AACS: variants seen among roughly 807,000 people sequenced by gnomAD.
The protein encoded by AACS is acetoacetyl-CoA synthetase, also known as acetoacetate-CoA ligase.
Under a neutral mutation model 83.1 loss-of-function variants are expected in AACS, and 69 were observed. That is an observed-to-expected ratio of 0.83 (90% CI 0.68 to 1.01). The LOEUF (loss-of-function observed/expected upper bound fraction) is 1.01, where lower values mean the gene tolerates loss of function less well. Ranked by LOEUF, AACS falls within the 50% of genes least tolerant of loss-of-function variation. AACS has a pLI of 0.00. For synonymous variants in AACS, 333 were observed against 343.4 expected (o/e 0.97, Z 0.33); for missense variants, 866 against 882.2 (o/e 0.98, Z 0.23).
At position 125,128,087 on chromosome 12, in the gene AACS, T is replaced by C; in HGVS notation, c.1310-74T>C. Reference sequence around the variant, plus strand: ...TATTTGTCCTCTTGGCACCTTCTCCTTTGTTGCTCACTAATTTAACACAAT... The same window carrying C: ...TATTTGTCCTCTTGGCACCTTCTCCCTTGTTGCTCACTAATTTAACACAAT... On this transcript the variant is annotated intron_variant, in intron 12 of 17. Coordinates refer to ENST00000316519, the MANE Select transcript of AACS (RefSeq NM_023928.5). The C allele has an allele frequency of 4.4e-6, 5 of 1,143,382 alleles. No individual in the cohort carries two copies. In the South Asian group the frequency reaches 7.6e-5, roughly 17 times the overall value. 70.8% of individuals were successfully genotyped at this position (1,143,382 alleles called of 1,614,324 possible). A position where few individuals can be genotyped will look rare whatever the true frequency, so the allele number is the denominator to read the frequency against.
intron 8 of AACS, among the ~76,000 whole-genome samples, chr12:125,108,033 T>C (rs928796311): frequency 6.6e-6 from 1 of 152,186 alleles, no homozygotes; most frequent in Non-Finnish European, 1.5e-5. Context: ...TCTGTGAAGC[T>C]GTCATTACAT....
Position 125,076,620 on chromosome 12 carries a change from T to C in AACS, c.358+9T>C. Reference sequence around the variant, plus strand: ...TGCCCTTTACATTGCAAGTAAGTCCTGATGGCGAGACCTGGGATTTCCTCC... The same window carrying C: ...TGCCCTTTACATTGCAAGTAAGTCCCGATGGCGAGACCTGGGATTTCCTCC... On this transcript the variant is annotated intron_variant, in intron 3 of 17. Coordinates refer to ENST00000316519, the MANE Select transcript of AACS (RefSeq NM_023928.5). 1 of 1,613,870 alleles carries C rather than the reference T, an allele frequency of 6.2e-7. No individual in the cohort carries two copies. The highest frequency in any genetic ancestry group is 8.5e-7 in the Non-Finnish European group (1 of 1,179,852).
intron 1 of AACS, among the ~76,000 whole-genome samples, chr12:125,071,258 C>G (rs1565919732): frequency 6.6e-6 from 1 of 152,290 alleles, no homozygotes; most frequent in East Asian, 1.9e-4. Flanking sequence ...GTGACCGTTA[C>G]AACCTGGCCT....
At chr12:125,082,852 G>A (rs1956229425) in intron 3 of AACS, among the ~76,000 whole-genome samples, 1 of 151,926 alleles carries the variant, frequency 6.6e-6, no homozygotes. Context: ...CACACACAAA[G>A]AGGTAATTCA....
intron 9 of AACS, among the ~76,000 whole-genome samples, chr12:125,116,462 A>ATTTTAT (rs1489195257): frequency 2.0e-5 from 3 of 151,528 alleles, no homozygotes; most frequent in Non-Finnish European, 4.4e-5. Flanking sequence ...TTTTTATTTT[A>ATTTTAT]TTTTATTGTT....
intron 3 of AACS, among the ~76,000 whole-genome samples, chr12:125,084,625 C>T (rs1388952161): frequency 6.6e-6 from 1 of 151,104 alleles, no homozygotes; most frequent in Non-Finnish European, 1.5e-5. Flanking sequence ...GTCACCCAGG[C>T]TGGAGTGCAG....
At chr12:125,110,902 G>A (rs903827555) in intron 8 of AACS, among the ~76,000 whole-genome samples, 6 of 152,318 alleles carry the variant, frequency 3.9e-5, no homozygotes, top group African/African-American at 1.2e-4. Context: ...TCATCAGAAT[G>A]TGGAAAGGAG....
chr12:125,094,978 CGT>C lies in AACS; in HGVS notation c.570+3500_570+3501del, dbSNP rs57643228. Among the ~76,000 whole-genome samples the C allele has an allele frequency of 8.7e-3, 1,266 of 145,294 alleles. 7 individuals carry two copies. Among genetic ancestry groups the C allele is most frequent in the Middle Eastern group, 0.024 (7 of 286 alleles). Reference sequence around the variant, plus strand: ...TCCTCCTGAAGTGCCATCAGGTGGCCGTGTGTGTGTGTGTGTGTGTGTGTGTG... The same window carrying C: ...TCCTCCTGAAGTGCCATCAGGTGGCCGTGTGTGTGTGTGTGTGTGTGTGTG... On this transcript the variant is annotated intron_variant, in intron 5 of 17. Coordinates refer to ENST00000316519, the MANE Select transcript of AACS (RefSeq NM_023928.5). The surrounding 1 kb of genome is among the most constrained non-coding windows in gnomAD (Gnocchi z 4.1).
intron 4 of AACS, among the ~76,000 whole-genome samples, chr12:125,090,009 A>G (rs1956430057): frequency 5.7e-5 from 2 of 34,884 alleles, no homozygotes; most frequent in African/African-American, 1.2e-4. Context: ...CCAACTATCC[A>G]TCCATCCATC....
rs973659269 is a variant in AACS, at chr12:125,076,348, T to G, written c.238-143T>G. 1.6e-5 allele frequency: 19 copies of G among 1,162,970 alleles called. No individual in the cohort carries two copies. In the East Asian group the frequency reaches 4.6e-4, roughly 28 times the overall value. The allele number at this position is 1,162,970 out of a possible 1,614,324, so 72.0% of individuals were successfully genotyped here. ...TTCAGAGTTCAGTCCATAAAATGAT[T>G]TAAAAATGCTCTGGGCCAATGAGTG... On this transcript the variant is annotated intron_variant, in intron 2 of 17. Coordinates refer to ENST00000316519, the MANE Select transcript of AACS (RefSeq NM_023928.5).
chr12:125,136,798 C>T lies in AACS; in HGVS notation c.1815C>T (p.Asp605=), dbSNP rs758527529. ...FQPDLVKRIR[D]AIRMGLSARH... ...CTGACTTGGTTAAGAGGATCCGTGA[C>T]GCCATCCGCATGGGCTTGTCTGCGC... is the stretch of plus-strand genomic sequence containing the variant. The change falls in exon 17 of 18, where the codon GAC becomes GAT. Residue 605 remains aspartate, a synonymous_variant. Transcript: ENST00000316519. 2.0e-5 allele frequency: 33 copies of T among 1,613,978 alleles called. No individual in the cohort carries two copies. The Admixed American group carries it at 3.2e-4, about 15-fold the overall frequency.
chr12:125,129,529 G>T lies in AACS; in HGVS notation c.1549+69G>T. The T allele has an allele frequency of 6.4e-7, 1 of 1,554,146 alleles. No homozygotes were observed. On this transcript the variant is annotated intron_variant, in intron 14 of 17. Transcript: ENST00000316519. The surrounding 1 kb of genome is among the most constrained non-coding windows in gnomAD (Gnocchi z 4.3). ...GGCTGGGCCTTCTGTGTCTAATTCT[G>T]TACCATCGTGCCCCTCCCCTCTTCC...
intron 5 of AACS, among the ~76,000 whole-genome samples, chr12:125,098,300 C>T (rs1956655282): frequency 6.6e-6 from 1 of 151,946 alleles, no homozygotes. Context: ...TGTGGTGGCA[C>T]ACAGCCTGAT....
intron 5 of AACS, among the ~76,000 whole-genome samples, chr12:125,096,724 T>A (rs1315636610): frequency 6.6e-6 from 1 of 150,966 alleles, no homozygotes; most frequent in Non-Finnish European, 1.5e-5. Flanking sequence ...CATGAAAGAG[T>A]CTGAGAAATC....
Position 125,065,681 on chromosome 12 carries a change from C to T in AACS, c.97C>T (p.Arg33Trp), listed in dbSNP as rs752333097. The change falls in exon 1 of 18, where the codon CGG (arginine) becomes TGG (tryptophan). Residue 33 changes from arginine to tryptophan, a missense_variant. By Grantham distance (101) the Arg-to-Trp change is moderately radical. Transcript: ENST00000316519. ...SKKNTQMDRF[R>W]AAVGAACGLA... ...GAAGAACACGCAGATGGACCGCTTC[C>T]GGGCGGCTGTGGGCGCCGCCTGCGG... is the stretch of plus-strand genomic sequence containing the variant. The T allele has an allele frequency of 5.2e-6, 8 of 1,544,892 alleles. No individual in the cohort carries two copies. In the South Asian group the frequency reaches 6.0e-5, roughly 12 times the overall value.
At chr12:125,118,250 T>C (rs1957091748) in intron 9 of AACS, 1 of 226,802 alleles carries the variant, frequency 4.4e-6, no homozygotes, top group Admixed American at 5.4e-5. Flanking sequence ...TTCATGACTG[T>C]GCAATGGCTG....
rs1364787845 is a variant in AACS, at chr12:125,130,231, CT to C, written c.1549+773del. Among the ~76,000 whole-genome samples, 13 of 152,350 alleles carry C rather than the reference CT, an allele frequency of 8.5e-5. No individual in the cohort carries two copies. The highest frequency in any genetic ancestry group is 3.1e-4 in the African/African-American group (13 of 41,592). ...TAAGTGGTAGGATTTGCCAGGTATCCTTCCTGCCTTGCGTGTTTGCGTTTCA... is the reference window on the plus strand; with the variant it reads ...TAAGTGGTAGGATTTGCCAGGTATCCTCCTGCCTTGCGTGTTTGCGTTTCA... On this transcript the variant is annotated intron_variant, in intron 14 of 17. Coordinates refer to ENST00000316519, the MANE Select transcript of AACS (RefSeq NM_023928.5). The surrounding 1 kb of genome is among the most constrained non-coding windows in gnomAD (Gnocchi z 4.9).
At chr12:125,114,135 C>T (rs149168511) in intron 8 of AACS, among the ~76,000 whole-genome samples, 2 of 152,034 alleles carry the variant, frequency 1.3e-5, no homozygotes, top group African/African-American at 4.8e-5. Flanking sequence ...CTCGTTGACT[C>T]TCTTCTCAGG....
chr12:125,100,415 A>G (rs1430086974), intron 5 of AACS, among the ~76,000 whole-genome samples: 1 of 152,266 alleles, frequency 6.6e-6, no homozygotes, highest in Non-Finnish European at 1.5e-5. Context: ...ATGGAAAACA[A>G]TAACATTTGC....
Sources: gnomAD v4.1 joint callset for allele counts (sites outside exome capture counted in the v4.1 genomes callset) on GRCh38, gnomAD v4.1.1 for gene constraint, Gnocchi (gnomAD v3.1) non-coding constraint, MANE v1.5 for transcripts, NCBI Gene and HGNC (gene_info 2026-07-23, HGNC 2026-07-21) for gene names.